TRIO: variants seen among roughly 807,000 people sequenced by gnomAD.
The protein encoded by TRIO is triple functional domain protein.
Under a neutral mutation model 351.9 loss-of-function variants are expected in TRIO, and 58 were observed. That is an observed-to-expected ratio of 0.16 (90% CI 0.13 to 0.21). TRIO has a LOEUF of 0.21. Among genes scored for constraint, TRIO ranks in the 10% least tolerant of loss-of-function variants. TRIO has a pLI of 1.00. For synonymous variants in TRIO, 1,758 were observed against 1,595.7 expected (o/e 1.10, Z -2.42); for missense variants, 3,201 against 4,027.8 (o/e 0.79, Z 5.56).
Position 14,369,533 on chromosome 5 carries a change from G to T in TRIO, c.3216+10G>T, listed in dbSNP as rs776833342. Reference sequence around the variant, plus strand: ...GGAGGCATTCCTGAAGGTAGGGGCAGCGCTGCGGGACAGTGCACCCATCAG... The same window carrying T: ...GGAGGCATTCCTGAAGGTAGGGGCATCGCTGCGGGACAGTGCACCCATCAG... On this transcript the variant is annotated intron_variant, in intron 18 of 56. Transcript: ENST00000344204. 5.0e-6 allele frequency: 8 copies of T among 1,612,082 alleles called. No individual in the cohort carries two copies. In the African/African-American group the frequency reaches 6.7e-5, roughly 13 times the overall value.
At chr5:14,264,299 C>CT (rs1795523147) in intron 1 of TRIO, among the ~76,000 whole-genome samples, 1 of 151,812 alleles carries the variant, frequency 6.6e-6, no homozygotes, top group Non-Finnish European at 1.5e-5. Context: ...AAATAAACTA[C>CT]TTTCTTTCTT....
intron 5 of TRIO, among the ~76,000 whole-genome samples, chr5:14,292,241 G>A (rs959914929): frequency 2.0e-5 from 3 of 152,198 alleles, no homozygotes; most frequent in African/African-American, 7.2e-5. Context: ...AGCTTTTAAT[G>A]TATCTGTCAG....
intron 1 of TRIO, among the ~76,000 whole-genome samples, chr5:14,247,462 C>A (rs937310506): frequency 1.3e-5 from 2 of 152,130 alleles, no homozygotes; most frequent in African/African-American, 4.8e-5. Flanking sequence ...ATATAAAAGT[C>A]TTTTAAGGAA....
At chr5:14,364,025 C>A in intron 14 of TRIO, 98 bp downstream of exon 14, 2 of 1,242,818 alleles carry the variant, frequency 1.6e-6, no homozygotes, top group Non-Finnish European at 2.2e-6. Context: ...TTTGTTAGTT[C>A]CTATGATAAA....
chr5:14,408,059 A>G (rs1257445811), intron 33 of TRIO, among the ~76,000 whole-genome samples: 1 of 152,180 alleles, frequency 6.6e-6, no homozygotes, highest in Non-Finnish European at 1.5e-5. Context: ...TTCTCTGCAC[A>G]TCATTTCCGC....
intron 31 of TRIO, among the ~76,000 whole-genome samples, chr5:14,404,045 T>TAGGTTGTGGTGAGGGTGC (rs1748487657): frequency 9.4e-6 from 1 of 106,426 alleles, no homozygotes; most frequent in African/African-American, 4.9e-5. Context: ...GGTGAGGGTG[T>TAGGTTGTGGTGAGGGTGC]AGGTTGTGGT....
At chr5:14,377,166 T>C (rs186207129) in intron 19 of TRIO, among the ~76,000 whole-genome samples, 1 of 152,152 alleles carries the variant, frequency 6.6e-6, no homozygotes, top group Admixed American at 6.5e-5. Context: ...GTTTTTTTTT[T>C]TCTTGCCTTT....
chr5:14,195,013 ATT>A (rs373373570), intron 1 of TRIO, among the ~76,000 whole-genome samples: 1 of 147,678 alleles, frequency 6.8e-6, no homozygotes, highest in African/African-American at 2.5e-5. Context: ...ATTTCAGTGT[ATT>A]TTTTTTTTTA....
intron 24 of TRIO, 32 bp downstream of exon 24, chr5:14,388,711 GT>G: frequency 7.6e-7 from 1 of 1,308,940 alleles, no homozygotes; most frequent in Non-Finnish European, 1.0e-6. Context: ...TTTTTTGCTT[GT>G]TTATTTAGAT....
intron 34 of TRIO, among the ~76,000 whole-genome samples, chr5:14,445,599 A>T (rs1752379319): frequency 6.6e-6 from 1 of 152,226 alleles, no homozygotes; most frequent in Non-Finnish European, 1.5e-5. Context: ...TAAAATCAAC[A>T]ATTCCTTCTG....
At chr5:14,506,623 T>C (rs923845043) in intron 55 of TRIO, among the ~76,000 whole-genome samples, 5 of 152,084 alleles carry the variant, frequency 3.3e-5, no homozygotes, top group African/African-American at 1.2e-4. Context: ...GTTTTTTTAG[T>C]ATGAACAGTA....
rs184623105 is a variant in TRIO, at chr5:14,497,823, G to A, written c.8020-24G>A. The A allele has an allele frequency of 1.7e-5, 27 of 1,614,142 alleles. No homozygotes were observed. The African/African-American group carries it at 1.9e-4, about 11-fold the overall frequency. On this transcript the variant is annotated intron_variant, in intron 50 of 56. Transcript: ENST00000344204. This position sits in a 1 kb window ranked among gnomAD's most constrained non-coding sequence, Gnocchi z 4.4. ...CTTAAAGTAGCTCATTTCAGTTAAT[G>A]CTTGTTTGCTGTTTCCATTTCAGCT...
intron 33 of TRIO, among the ~76,000 whole-genome samples, chr5:14,413,308 G>C (rs1319622194): frequency 6.6e-6 from 1 of 152,256 alleles, no homozygotes; most frequent in Non-Finnish European, 1.5e-5. Flanking sequence ...GCAGAAGGGG[G>C]AGAGTCTTGC....
chr5:14,440,351 G>A (rs1166578905), intron 34 of TRIO, among the ~76,000 whole-genome samples: 1 of 152,144 alleles, frequency 6.6e-6, no homozygotes, highest in African/African-American at 2.4e-5. Context: ...ACAGGGGAGC[G>A]CACACACACC....
At chr5:14,443,105 G>A (rs1401143440) in intron 34 of TRIO, among the ~76,000 whole-genome samples, 1 of 152,034 alleles carries the variant, frequency 6.6e-6, no homozygotes, top group Non-Finnish European at 1.5e-5. Context: ...AGTACTAGAG[G>A]ATAATTGTGC....
intron 1 of TRIO, among the ~76,000 whole-genome samples, chr5:14,236,060 A>G (rs931259660): frequency 2.2e-5 from 1 of 45,880 alleles, no homozygotes; most frequent in Non-Finnish European, 4.7e-5. Context: ...TACTTAACAA[A>G]TAATTTGTGG....
intron 34 of TRIO, among the ~76,000 whole-genome samples, chr5:14,456,830 A>G (rs1010608419): frequency 3.9e-5 from 6 of 152,228 alleles, no homozygotes; most frequent in Non-Finnish European, 7.3e-5. Flanking sequence ...TTAGTGGGCA[A>G]AGTCTATATT....
At chr5:14,454,994 CT>C (rs1451383911) in intron 34 of TRIO, among the ~76,000 whole-genome samples, 1 of 150,392 alleles carries the variant, frequency 6.6e-6, no homozygotes, top group African/African-American at 2.5e-5. Flanking sequence ...TTGTTTGTAT[CT>C]CTTGTCCAGA....
intron 8 of TRIO, among the ~76,000 whole-genome samples, chr5:14,311,963 T>A (rs1466105927): frequency 6.6e-6 from 1 of 152,248 alleles, no homozygotes; most frequent in Non-Finnish European, 1.5e-5. Context: ...TTGGACCTAA[T>A]TGATATGCTG....
Sources: gnomAD v4.1 joint callset for allele counts (sites outside exome capture counted in the v4.1 genomes callset) on GRCh38, gnomAD v4.1.1 for gene constraint, Gnocchi (gnomAD v3.1) non-coding constraint, MANE v1.5 for transcripts, NCBI Gene and HGNC (gene_info 2026-07-23, HGNC 2026-07-21) for gene names.